LBP: variants seen among roughly 807,000 people sequenced by gnomAD.
LBP encodes the protein lipopolysaccharide binding protein.
A neutral mutation model predicts 56.6 loss-of-function variants in LBP; 53 were observed. The observed-to-expected ratio is 0.94, with a 90% CI of 0.75 to 1.18. The LOEUF is 1.18. LBP is among the 50% of genes most tolerant of loss of function. LBP has a pLI of 0.00. For missense variants in LBP, 601 were observed against 598.3 expected, an observed-to-expected ratio of 1.00 and a Z score of -0.05; for synonymous variants, 227 against 247.5, an observed-to-expected ratio of 0.92 and a Z score of 0.78.
intron 14 of LBP, among the ~76,000 whole-genome samples, chr20:38,374,637 G>A (rs559076937): frequency 2.0e-5 from 3 of 151,092 alleles, no homozygotes; most frequent in African/African-American, 7.3e-5. Flanking sequence ...AGAAAATACT[G>A]TAAGTCCTAG....
At chr20:38,348,545 G>A (rs899221984) in intron 1 of LBP, among the ~76,000 whole-genome samples, 6 of 151,796 alleles carry the variant, frequency 4.0e-5, no homozygotes, top group Non-Finnish European at 7.4e-5. Context: ...TGATCCACCC[G>A]CCTCGGCCTC....
intron 6 of LBP, 129 bp downstream of exon 6, chr20:38,360,896 C>T: frequency 6.4e-6 from 4 of 629,316 alleles, no homozygotes; most frequent in Non-Finnish European, 1.1e-5. Flanking sequence ...GGCGCAGCGG[C>T]TCACACCTGT....
At chr20:38,357,948 A>C (rs935977543) in intron 5 of LBP, among the ~76,000 whole-genome samples, 9 of 152,236 alleles carry the variant, frequency 5.9e-5, no homozygotes, top group African/African-American at 2.2e-4. Context: ...GAGGATGACC[A>C]GAGGGCACTC....
intron 4 of LBP, among the ~76,000 whole-genome samples, chr20:38,355,085 C>A (rs939308238): frequency 1.3e-5 from 2 of 152,044 alleles, no homozygotes; most frequent in African/African-American, 4.8e-5. Flanking sequence ...CTGTCCCCCA[C>A]CCCCCCGCAA....
chr20:38,352,705 A>G (rs1280714996), intron 3 of LBP, among the ~76,000 whole-genome samples: 1 of 152,250 alleles, frequency 6.6e-6, no homozygotes, highest in South Asian at 2.1e-4. Flanking sequence ...CGGTGAGCCA[A>G]GATCACGCCA....
At chr20:38,351,004 G>C in intron 3 of LBP, 65 bp downstream of exon 3, 1 of 1,575,408 alleles carries the variant, frequency 6.3e-7, no homozygotes, top group Non-Finnish European at 8.7e-7. Flanking sequence ...TCCTTCTTAG[G>C]TCCAAGGTGT....
chr20:38,370,254 T>G (rs1014249353), intron 10 of LBP, among the ~76,000 whole-genome samples: 17 of 152,030 alleles, frequency 1.1e-4, no homozygotes, highest in African/African-American at 4.1e-4. Context: ...CATGCACCTG[T>G]AGTCCTATCT....
chr20:38,355,607 G>A (rs5744206), intron 5 of LBP, among the ~76,000 whole-genome samples, 198 bp downstream of exon 5: 12,204 of 152,188 alleles, frequency 0.08, 1,297 homozygotes, highest in African/African-American at 0.25. Context: ...AAGTCCGTTC[G>A]GTTGGGCAGA....
chr20:38,365,279 G>T (rs2076876678), intron 8 of LBP, among the ~76,000 whole-genome samples: 1 of 150,456 alleles, frequency 6.6e-6, no homozygotes, highest in African/African-American at 2.5e-5. Flanking sequence ...TAACAACTGT[G>T]GAAGACTTTG....
rs2232618 is a variant in LBP at position 38,373,117 on chromosome 20, T to C, written c.1306T>C (p.Phe436Leu). ...CCTCAACTATTACATCCTTAACACC[T>C]TCTACCCCAAGTTCAATGGTAAGAA... ...ALLNYYILNT[F>L]YPKFNDKLAE... is the part of the protein sequence containing the mutation. The change falls in exon 13 of 15, where the codon TTC (phenylalanine) becomes CTC (leucine). Residue 436 changes from phenylalanine (F) to leucine (L), a missense_variant. Coordinates refer to ENST00000217407, the MANE Select transcript of LBP (RefSeq NM_004139.5). 0.094 allele frequency: 151,150 copies of C among 1,612,544 alleles called. 8,096 individuals are homozygous for C. The highest frequency in any genetic ancestry group is 0.2 in the African/African-American group (15,010 of 74,918).
intron 5 of LBP, among the ~76,000 whole-genome samples, chr20:38,358,005 A>G (rs2076847317): frequency 6.6e-6 from 1 of 152,148 alleles, no homozygotes; most frequent in Non-Finnish European, 1.5e-5. Flanking sequence ...TCTTTACCGC[A>G]TCCTGTTTTA....
chr20:38,346,578 C>T lies in LBP; in HGVS notation c.62C>T (p.Pro21Leu). 6.2e-7 allele frequency: 1 copy of T among 1,613,836 alleles called. No individual in the cohort carries two copies. The highest frequency in any genetic ancestry group is 8.5e-7 in the Non-Finnish European group (1 of 1,180,014). The stretch of plus-strand genomic sequence containing the variant: ...CTGGCATTGCTGCTTACGTCCACCC[C>T]AGAGGCTCTGGGTGCCAACCCCGGC... ...ILLALLLTST[P>L]EALGANPGLV... The change falls in exon 1 of 15, where the codon CCA (proline) becomes CTA (leucine). Residue 21 changes from proline (P) to leucine (L), a missense_variant. By Grantham distance (98) the Pro-to-Leu change is moderately conservative (BLOSUM62 -3). Coordinates refer to ENST00000217407, the MANE Select transcript of LBP (RefSeq NM_004139.5).
intron 9 of LBP, among the ~76,000 whole-genome samples, chr20:38,367,966 G>T (rs941017448): frequency 2.0e-5 from 3 of 151,790 alleles, no homozygotes; most frequent in African/African-American, 7.3e-5. Flanking sequence ...CCAAAGTGGG[G>T]GGGTAGCTTG....
At chr20:38,354,258 A>C in intron 3 of LBP, 26 bp from the exon 4 acceptor site, 1 of 1,603,176 alleles carries the variant, frequency 6.2e-7, no homozygotes, top group Non-Finnish European at 8.5e-7. Flanking sequence ...CTAGGAACTA[A>C]CCATGGCTTC....
chr20:38,362,372 G>A (rs1276190386), intron 6 of LBP, among the ~76,000 whole-genome samples: 1 of 147,346 alleles, frequency 6.8e-6, no homozygotes, highest in Non-Finnish European at 1.5e-5. Context: ...CAACATTTAG[G>A]GAGGCCGAGG....
chr20:38,364,249 T>C (rs554330412), intron 7 of LBP, among the ~76,000 whole-genome samples, 183 bp downstream of exon 7: 2 of 152,268 alleles, frequency 1.3e-5, no homozygotes, highest in South Asian at 4.1e-4. Flanking sequence ...CCCACGGCTG[T>C]CTTACACCTC....
At chr20:38,365,690 G>T (rs2076877996) in intron 8 of LBP, among the ~76,000 whole-genome samples, 2 of 94,836 alleles carry the variant, frequency 2.1e-5, no homozygotes, top group African/African-American at 4.3e-5. Context: ...GAGTGAGACT[G>T]CATCTCAAAA....
chr20:38,375,887 A>G (rs1302837454), intron 14 of LBP, among the ~76,000 whole-genome samples: 1 of 152,204 alleles, frequency 6.6e-6, no homozygotes, highest in Non-Finnish European at 1.5e-5. Context: ...ACACTGGCCA[A>G]CTGTTCTATC....
chr20:38,364,272 G>A (rs891632553), intron 7 of LBP, among the ~76,000 whole-genome samples: 4 of 152,102 alleles, frequency 2.6e-5, no homozygotes, highest in Non-Finnish European at 4.4e-5. Flanking sequence ...AGGTCTTAAC[G>A]CTTCCCTCCT....
Sources: allele counts gnomAD v4.1 joint callset (sites outside exome capture counted in the v4.1 genomes callset), GRCh38; gene constraint gnomAD v4.1.1; transcripts MANE v1.5; gene names NCBI Gene and HGNC (gene_info 2026-07-23, HGNC 2026-07-21).